The following NRF1 variants were observed in gnomAD, a reference collection of about 807,000 sequenced individuals.
The protein encoded by NRF1 is nuclear respiratory factor 1, also known as alpha palindromic-binding protein.
Under a neutral mutation model 58.5 loss-of-function variants are expected in NRF1, and 5 were observed. The ratio of observed to expected loss-of-function variants is 0.09; its 90% CI spans 0.04 to 0.18. The LOEUF (loss-of-function observed/expected upper bound fraction) is 0.18, where lower values mean the gene tolerates loss of function less well. Ranked by LOEUF, NRF1 falls within the 10% of genes least tolerant of loss-of-function variation. NRF1 has a pLI of 1.00. For missense variants in NRF1, 288 were observed against 657.7 expected, an observed-to-expected ratio of 0.44 and a Z score of 6.15; for synonymous variants, 224 against 246.7, an observed-to-expected ratio of 0.91 and a Z score of 0.86.
At chr7:129,754,035 C>T (rs1015137119) in intron 10 of NRF1, among the ~76,000 whole-genome samples, 2 of 152,158 alleles carry the variant, frequency 1.3e-5, no homozygotes, top group African/African-American at 4.8e-5. Flanking sequence ...CGGGGACATT[C>T]ACACCTGACG....
intron 3 of NRF1, among the ~76,000 whole-genome samples, chr7:129,674,674 A>G (rs1014512691): frequency 1.3e-5 from 2 of 152,166 alleles, no homozygotes; most frequent in East Asian, 3.9e-4. Flanking sequence ...GGCTCAAGCA[A>G]TCCTCCCACC....
intron 9 of NRF1, among the ~76,000 whole-genome samples, chr7:129,723,255 C>A (rs977450530): frequency 2.6e-5 from 4 of 151,848 alleles, no homozygotes; most frequent in Non-Finnish European, 5.9e-5. Flanking sequence ...ACCAGCCTGG[C>A]CAACATGGAG....
At chr7:129,718,187 A>G (rs1354408117) in intron 9 of NRF1, among the ~76,000 whole-genome samples, 1 of 152,064 alleles carries the variant, frequency 6.6e-6, no homozygotes, top group Non-Finnish European at 1.5e-5. Context: ...CCTCTTCTTC[A>G]TTCCTGATGC....
intron 1 of NRF1, among the ~76,000 whole-genome samples, chr7:129,637,866 A>AT (rs201653341): frequency 2.5e-4 from 38 of 149,576 alleles, no homozygotes; most frequent in East Asian, 1.4e-3. Flanking sequence ...TTGTGATTTT[A>AT]TTTTTTGTTT....
chr7:129,643,992 C>T (rs1801350487), intron 1 of NRF1, among the ~76,000 whole-genome samples: 1 of 152,214 alleles, frequency 6.6e-6, no homozygotes, highest in South Asian at 2.1e-4. Flanking sequence ...TTGCTGCTGC[C>T]TGCAGTGCCC....
At chr7:129,712,921 C>T (rs550606892) in intron 8 of NRF1, among the ~76,000 whole-genome samples, 12 of 152,046 alleles carry the variant, frequency 7.9e-5, no homozygotes, top group Non-Finnish European at 1.3e-4. Context: ...GAAAAGACAA[C>T]GAGGGGTACA....
At chr7:129,649,854 A>G (rs1390436181) in intron 1 of NRF1, among the ~76,000 whole-genome samples, 1 of 152,150 alleles carries the variant, frequency 6.6e-6, no homozygotes, top group Admixed American at 6.5e-5. Context: ...CCCAGGCTCA[A>G]GCAATCCTCT....
At chr7:129,654,260 A>C (rs570037304) in intron 1 of NRF1, among the ~76,000 whole-genome samples, 3 of 152,186 alleles carry the variant, frequency 2.0e-5, no homozygotes, top group Admixed American at 6.5e-5. Context: ...TTTACCATCT[A>C]TATATCTTCC....
intron 10 of NRF1, among the ~76,000 whole-genome samples, chr7:129,752,021 A>G (rs1406568967): frequency 1.3e-5 from 2 of 152,218 alleles, no homozygotes; most frequent in Non-Finnish European, 2.9e-5. Flanking sequence ...CCTTGAGGCT[A>G]TGCTGATAGC....
intron 5 of NRF1, among the ~76,000 whole-genome samples, chr7:129,705,995 T>C (rs902175491): frequency 6.6e-5 from 10 of 152,040 alleles, no homozygotes; most frequent in Non-Finnish European, 1.0e-4. Flanking sequence ...CCACAAAGAA[T>C]GTAGGACTTT....
chr7:129,676,911 A>T (rs558448246), intron 3 of NRF1, among the ~76,000 whole-genome samples: 1 of 152,354 alleles, frequency 6.6e-6, no homozygotes, highest in South Asian at 2.1e-4. Flanking sequence ...TGAGATATAA[A>T]CAATCAATAA....
intron 2 of NRF1, among the ~76,000 whole-genome samples, chr7:129,663,107 G>T (rs1801823973): frequency 6.6e-6 from 1 of 152,236 alleles, no homozygotes; most frequent in East Asian, 1.9e-4. Flanking sequence ...CAAGGCAGAA[G>T]AATTTTTCTT....
intron 1 of NRF1, among the ~76,000 whole-genome samples, chr7:129,646,601 CAGGAGAGAAG>C (rs1217895103): frequency 1.3e-5 from 2 of 152,178 alleles, no homozygotes; most frequent in Admixed American, 1.3e-4. Context: ...ACTCAACCAC[CAGGAGAGAAG>C]AGGCACAGCT....
At chr7:129,719,806 G>GT (rs1250589098) in intron 9 of NRF1, among the ~76,000 whole-genome samples, 1 of 152,058 alleles carries the variant, frequency 6.6e-6, no homozygotes, top group African/African-American at 2.4e-5. Context: ...CTTTAGTCCA[G>GT]TAACACCCCC....
intron 8 of NRF1, 111 bp downstream of exon 8, chr7:129,711,687 A>T: frequency 1.3e-6 from 1 of 778,872 alleles, no homozygotes; most frequent in Non-Finnish European, 2.1e-6. Context: ...TCTTTCATTT[A>T]AACCTTTTAA....
At chr7:129,644,342 A>G (rs12535925) in intron 1 of NRF1, among the ~76,000 whole-genome samples, 19,756 of 152,242 alleles carry the variant, frequency 0.13, 1,605 homozygotes, top group Admixed American at 0.23. Flanking sequence ...TAGGGCAAGG[A>G]CAAAACGCTG....
intron 1 of NRF1, among the ~76,000 whole-genome samples, chr7:129,628,630 T>C (rs1266841821): frequency 6.6e-6 from 1 of 152,228 alleles, no homozygotes; most frequent in Admixed American, 6.5e-5. Context: ...CTCAGTCTGC[T>C]GTAGTATGTT....
chr7:129,686,182 G>A (rs1251431335), intron 4 of NRF1, among the ~76,000 whole-genome samples: 1 of 152,064 alleles, frequency 6.6e-6, no homozygotes, highest in Non-Finnish European at 1.5e-5. Context: ...ACGAGGTTGG[G>A]CAGCTAAAGA....
intron 5 of NRF1, among the ~76,000 whole-genome samples, chr7:129,698,523 T>G (rs1802750039): frequency 6.6e-6 from 1 of 152,184 alleles, no homozygotes; most frequent in Non-Finnish European, 1.5e-5. Context: ...ATCCTTAGTT[T>G]GGGGTAGGTT....
Sources: gnomAD v4.1 joint callset for allele counts (sites outside exome capture counted in the v4.1 genomes callset) on GRCh38, gnomAD v4.1.1 for gene constraint, MANE v1.5 for transcripts, NCBI Gene and HGNC (gene_info 2026-07-23, HGNC 2026-07-21) for gene names.